The following SLC26A3 variants were observed in gnomAD, a reference collection of about 807,000 sequenced individuals.
The protein encoded by SLC26A3 is chloride anion exchanger.
A neutral mutation model predicts 85.6 loss-of-function variants in SLC26A3; 64 were observed. That is an observed-to-expected ratio of 0.75 (90% CI 0.61 to 0.92). The LOEUF is 0.92. Among genes scored for constraint, SLC26A3 ranks in the 40% least tolerant of loss-of-function variants. The probability of loss-of-function intolerance (pLI) is 0.00; values close to 1 mark genes in which losing one functional copy is unlikely to be tolerated. For synonymous variants in SLC26A3, 349 were observed against 336.0 expected (o/e 1.04, Z -0.42); for missense variants, 922 against 927.3 (o/e 0.99, Z 0.07).
chr7:107,792,968 C>T (rs1794428086), intron 3 of SLC26A3, among the ~76,000 whole-genome samples: 1 of 151,992 alleles, frequency 6.6e-6, no homozygotes, highest in Non-Finnish European at 1.5e-5. Context: ...ATACAAATGG[C>T]CAATAAACAC....
chr7:107,767,634 C>T lies in SLC26A3; in HGVS notation c.2216G>A (p.Gly739Glu). 3 of 1,610,302 alleles carry T rather than the reference C, an allele frequency of 1.9e-6. No individual in the cohort carries two copies. Among genetic ancestry groups the T allele is most frequent in the Admixed American group, 1.7e-5 (1 of 59,876 alleles). ...TGTATTTATGGTAAAATCAATTTTT[C>T]CATCTTTTTCCTGAGAAAAAGAGAA... ...SKFNPSQEKD[G>E]KIDFTINTNG... Residue 739 changes from glycine (G) to glutamate (E), a missense_variant, in exon 20 of 21, where the codon GGA becomes GAA. Physicochemically the swap from Gly to Glu is moderately conservative, Grantham distance 98 (BLOSUM62 -2). Coordinates refer to ENST00000340010, the MANE Select transcript of SLC26A3 (RefSeq NM_000111.3).
intron 12 of SLC26A3, 81 bp from the exon 13 acceptor site, chr7:107,778,362 T>A: frequency 1.5e-6 from 1 of 653,372 alleles, no homozygotes; most frequent in African/African-American, 2.0e-5. Context: ...TAAAAAGACT[T>A]TTTTTTTTTT....
chr7:107,792,734 A>G (rs1198479996), intron 3 of SLC26A3, among the ~76,000 whole-genome samples: 1 of 152,206 alleles, frequency 6.6e-6, no homozygotes, highest in African/African-American at 2.4e-5. Flanking sequence ...TGAAAAATAC[A>G]GATAGACTGG....
intron 5 of SLC26A3, among the ~76,000 whole-genome samples, chr7:107,790,685 G>GT (rs1352190609): frequency 6.6e-6 from 1 of 152,106 alleles, no homozygotes; most frequent in Non-Finnish European, 1.5e-5. Flanking sequence ...AAAGCCACCA[G>GT]TATGACGATT....
intron 11 of SLC26A3, among the ~76,000 whole-genome samples, 190 bp downstream of exon 11, chr7:107,782,607 C>G (rs1794230230): frequency 6.6e-6 from 1 of 152,134 alleles, no homozygotes; most frequent in Non-Finnish European, 1.5e-5. Context: ...CACCTGTGTT[C>G]CTAACATTCA....
chr7:107,791,333 T>C lies in SLC26A3; in HGVS notation c.383-98A>G, dbSNP rs568651642. 52 of 1,308,270 alleles carry C rather than the reference T, an allele frequency of 4.0e-5. No homozygotes were observed. In the Admixed American group the frequency reaches 7.1e-4, roughly 18 times the overall value. The allele number at this position is 1,308,270 out of a possible 1,614,324, so 81.0% of individuals were successfully genotyped here. A position where few individuals can be genotyped will look rare whatever the true frequency, so the allele number is the denominator to read the frequency against. ...GACCATATAAAATGACTGGCAAGGC[T>C]GGGCGTGGTGGCTCACGCCTGTAAT... On this transcript the variant is annotated intron_variant, in intron 4 of 20. Transcript: ENST00000340010.
rs376191120 is a variant in SLC26A3 at position 107,792,182 on chromosome 7, CA to C, written c.272-243del. ...TAGAAATGACACCTATGGCATAAGC[CA>C]GCAGTCCCCAACCTTTTTGGCACCA... On this transcript the variant is annotated intron_variant, in intron 3 of 20. Coordinates refer to ENST00000340010, the MANE Select transcript of SLC26A3 (RefSeq NM_000111.3). Among the ~76,000 whole-genome samples the C allele has an allele frequency of 8.8e-4, 134 of 152,184 alleles. No homozygotes were observed. In the East Asian group the frequency reaches 0.011, roughly 12 times the overall value.
At chr7:107,800,456 A>T (rs567938466) in intron 1 of SLC26A3, among the ~76,000 whole-genome samples, 1 of 150,702 alleles carries the variant, frequency 6.6e-6, no homozygotes, top group Admixed American at 6.6e-5. Context: ...AGAAGATAAG[A>T]AAATGATGTA....
chr7:107,783,326 A>T lies in SLC26A3; in HGVS notation c.998T>A (p.Val333Glu). ...TCCTACGGTGTTTTGGAAAGTCTCC[A>T]CGTCAGGTGTAATAGGGGGCTGAAA... ...PGFQPPITPDVETFQNTVGDC... is the reference protein window; with the variant it reads ...PGFQPPITPDEETFQNTVGDC... Residue 333 changes from valine (V) to glutamate (E), a missense_variant, in exon 9 of 21, where the codon GTG becomes GAG. By Grantham distance (121) the Val-to-Glu change is moderately radical. Coordinates refer to ENST00000340010, the MANE Select transcript of SLC26A3 (RefSeq NM_000111.3). The T allele has an allele frequency of 6.2e-7, 1 of 1,614,190 alleles. No homozygotes were observed. The highest frequency in any genetic ancestry group is 2.2e-5 in the East Asian group (1 of 44,882).
At position 107,778,102 on chromosome 7, in the gene SLC26A3, G is replaced by A. The variant is rs889348672; in HGVS notation, c.1514+73C>T. The A allele has an allele frequency of 9.1e-6, 9 of 988,242 alleles. No homozygotes were observed. The African/African-American group carries it at 1.3e-4, about 14-fold the overall frequency. 61.2% of individuals were successfully genotyped at this position (988,242 alleles called of 1,614,324 possible). On this transcript the variant is annotated intron_variant, in intron 13 of 20. Transcript: ENST00000340010. ...CAACCAACTACTGTTCTTTTAGCCA[G>A]TGACATTTTTTTTCCTCTTCTGATT...
chr7:107,795,568 CACTA>C (rs1218018159), intron 1 of SLC26A3, among the ~76,000 whole-genome samples: 2 of 152,134 alleles, frequency 1.3e-5, no homozygotes, highest in African/African-American at 4.8e-5. Flanking sequence ...TCCAAACCCA[CACTA>C]AATTGGAAAT....
intron 1 of SLC26A3, among the ~76,000 whole-genome samples, chr7:107,797,066 C>T: frequency 6.6e-6 from 1 of 152,128 alleles, no homozygotes; most frequent in East Asian, 1.9e-4. Flanking sequence ...ATGGCTGTCT[C>T]TTTAGTGGGC....
intron 8 of SLC26A3, 134 bp from the exon 9 acceptor site, chr7:107,783,486 A>G (rs1794243998): frequency 1.9e-6 from 2 of 1,044,058 alleles, no homozygotes; most frequent in Non-Finnish European, 2.9e-6. Flanking sequence ...ACGAGAATTT[A>G]GCTCCACTAA....
rs866007692 is a variant in SLC26A3, at chr7:107,791,264, G to T, written c.383-29C>A. On this transcript the variant is annotated intron_variant, in intron 4 of 20. Coordinates refer to ENST00000340010, the MANE Select transcript of SLC26A3 (RefSeq NM_000111.3). Reference sequence around the variant, plus strand: ...ATTAACAGTGGGTGAATCGTGGTCAGTATATGCCTCTCTAAAGCACATTGT... The same window carrying T: ...ATTAACAGTGGGTGAATCGTGGTCATTATATGCCTCTCTAAAGCACATTGT... 1.0e-5 allele frequency: 16 copies of T among 1,599,904 alleles called. 2 individuals carry two copies. In the Middle Eastern group the frequency reaches 2.0e-3, roughly 199 times the overall value.
intron 3 of SLC26A3, among the ~76,000 whole-genome samples, chr7:107,792,309 A>T (rs1562881361): frequency 6.6e-6 from 1 of 152,064 alleles, no homozygotes. Flanking sequence ...CTTTATTTCT[A>T]TTATTATTAC....
intron 17 of SLC26A3, among the ~76,000 whole-genome samples, chr7:107,772,997 G>T (rs1216024905): frequency 6.6e-6 from 1 of 151,990 alleles, no homozygotes; most frequent in Admixed American, 6.6e-5. Flanking sequence ...GAAAACCCAA[G>T]AAAAAGAGAG....
intron 5 of SLC26A3, 71 bp downstream of exon 5, chr7:107,790,977 A>G (rs1584411045): frequency 2.0e-6 from 3 of 1,513,078 alleles, no homozygotes. Flanking sequence ...AGGGGGGAGG[A>G]AAAATAGAGA....
intron 13 of SLC26A3, among the ~76,000 whole-genome samples, chr7:107,777,709 G>T (rs1042777006): frequency 6.6e-6 from 1 of 152,176 alleles, no homozygotes; most frequent in African/African-American, 2.4e-5. Flanking sequence ...GGGCCTTTGA[G>T]AAGTTCTCTA....
chr7:107,768,003 G>A, intron 18 of SLC26A3, 95 bp from the exon 19 acceptor site: 5 of 1,140,812 alleles, frequency 4.4e-6, no homozygotes, highest in Non-Finnish European at 5.2e-6. Context: ...ATTTGCAAAT[G>A]TGCGTTTCAT....
Sources: gnomAD v4.1 joint callset for allele counts (sites outside exome capture counted in the v4.1 genomes callset) on GRCh38, gnomAD v4.1.1 for gene constraint, MANE v1.5 for transcripts, NCBI Gene and HGNC (gene_info 2026-07-23, HGNC 2026-07-21) for gene names.